Variants in CCDC126 observed in about 807,000 individuals in gnomAD.
CCDC126 encodes the protein coiled-coil domain-containing protein 126.
Under a neutral mutation model 11.7 loss-of-function variants are expected in CCDC126, and 5 were observed. The ratio of observed to expected loss-of-function variants is 0.43; its 90% CI spans 0.22 to 0.90. The LOEUF is 0.90. Among genes scored for constraint, CCDC126 ranks in the 40% least tolerant of loss-of-function variants. The pLI is 0.27. For missense variants in CCDC126, 150 were observed against 163.1 expected, an observed-to-expected ratio of 0.92 and a Z score of 0.44; for synonymous variants, 60 against 61.9, an observed-to-expected ratio of 0.97 and a Z score of 0.14.
chr7:23,600,165 C>T (rs956369540), intron 2 of CCDC126, among the ~76,000 whole-genome samples: 2 of 152,194 alleles, frequency 1.3e-5, no homozygotes, highest in Non-Finnish European at 2.9e-5. Context: ...ATCCCTGCCT[C>T]ACTTTACCAT....
intron 3 of CCDC126, chr7:23,619,521 G>A: frequency 3.1e-6 from 1 of 323,196 alleles, no homozygotes; most frequent in Non-Finnish European, 6.1e-6. Flanking sequence ...ATGCACAGCT[G>A]GGCCCACCTT....
chr7:23,619,948 C>A (rs13247029), intron 3 of CCDC126, among the ~76,000 whole-genome samples: 44,771 of 151,344 alleles, frequency 0.3, 7,730 homozygotes, highest in African/African-American at 0.48. Flanking sequence ...TCCATGGTGT[C>A]TATGTGCCAC....
At chr7:23,635,611 A>C (rs1044615044) in intron 3 of CCDC126, among the ~76,000 whole-genome samples, 1 of 152,192 alleles carries the variant, frequency 6.6e-6, no homozygotes, top group Non-Finnish European at 1.5e-5. Context: ...ATAATCTCTT[A>C]GTCTCTTTTT....
At chr7:23,638,727 T>TAAAAAAAAAAAAAAAAAAAAA (rs70954398) in intron 3 of CCDC126, among the ~76,000 whole-genome samples, 40 of 89,652 alleles carry the variant, frequency 4.5e-4, no homozygotes, top group East Asian at 6.1e-4. Context: ...AAAAAAAAAT[T>TAAAAAAAAAAAAAAAAAAAAA]AAAAAAAAAA....
intron 3 of CCDC126, among the ~76,000 whole-genome samples, chr7:23,618,881 G>A (rs1002108520): frequency 6.6e-6 from 1 of 151,964 alleles, no homozygotes; most frequent in African/African-American, 2.4e-5. Flanking sequence ...CAGTATCAAT[G>A]TATTTTATTC....
At position 23,630,491 on chromosome 7, in the gene CCDC126, G is replaced by A. The variant is rs113473309; in HGVS notation, c.239-12440G>A. Among the ~76,000 whole-genome samples the A allele has an allele frequency of 2.0e-4, 27 of 133,912 alleles. 2 individuals are homozygous for A. The highest frequency in any genetic ancestry group is 5.0e-4 in the African/African-American group (19 of 38,136). 87.9% of individuals were successfully genotyped at this position (133,912 alleles called of 152,430 possible). ...CCAGCCTGGGTGACAAAGTGAGACT[G>A]TTTCAGTCAATCAATCAATCAATCA... is the stretch of plus-strand genomic sequence containing the variant. On this transcript the variant is annotated intron_variant, in intron 3 of 3. Transcript: ENST00000307471.
In CCDC126 at chr7:23,633,407, T is replaced by C. The variant is rs190127952; in HGVS notation, c.239-9524T>C. ...AAAATACAAAAGATTAAACAATGAA[T>C]GTACACTTAATCATAGAATTGATGA... On this transcript the variant is annotated intron_variant, in intron 3 of 3. Transcript: ENST00000307471. Among the ~76,000 whole-genome samples the C allele has an allele frequency of 2.6e-5, 4 of 151,970 alleles. No individual in the cohort carries two copies. The East Asian group carries it at 5.8e-4, about 22-fold the overall frequency.
intron 3 of CCDC126, among the ~76,000 whole-genome samples, chr7:23,640,975 A>T (rs1783343662): frequency 1.4e-5 from 2 of 143,748 alleles, no homozygotes; most frequent in Admixed American, 7.0e-5. Flanking sequence ...TATCCCTCTG[A>T]GCTCTGAATC....
rs1004741450 is a variant in CCDC126, at chr7:23,643,792, C to T, written c.*677C>T. 5 of 152,020 alleles carry T rather than the reference C, an allele frequency of 3.3e-5. No homozygotes were observed. The highest frequency in any genetic ancestry group is 4.8e-5 in the African/African-American group (2 of 41,332). The allele number at this position is 152,020 out of a possible 1,614,324, so 9.4% of individuals were successfully genotyped here. A position where few individuals can be genotyped will look rare whatever the true frequency, so the allele number is the denominator to read the frequency against. ...CCATTACCTATCGTAAACATTGGGG[C>T]AATTTAATAACAGCATTAAAATAGT... On this transcript the variant is annotated 3_prime_UTR_variant, in exon 4 of 4. Transcript: ENST00000307471.
intron 3 of CCDC126, among the ~76,000 whole-genome samples, chr7:23,626,503 TAAAAAAAA>T (rs1562496055): frequency 3.7e-4 from 57 of 152,156 alleles, no homozygotes; most frequent in Middle Eastern, 3.4e-3. Context: ...TAATGGAAAT[TAAAAAAAA>T]TATTTATTTT....
At chr7:23,608,054 A>G (rs1389131279) in intron 2 of CCDC126, among the ~76,000 whole-genome samples, 10 of 152,210 alleles carry the variant, frequency 6.6e-5, no homozygotes, top group Non-Finnish European at 1.5e-4. Flanking sequence ...ATGAATATTT[A>G]TGAAAGGAGA....
At chr7:23,610,699 A>G (rs763432780) in intron 2 of CCDC126, among the ~76,000 whole-genome samples, 2 of 151,998 alleles carry the variant, frequency 1.3e-5, no homozygotes, top group South Asian at 4.1e-4. Context: ...ATGTTGGCAC[A>G]CTCTGTTTAT....
intron 3 of CCDC126, among the ~76,000 whole-genome samples, chr7:23,628,682 C>T (rs1213770481): frequency 2.0e-5 from 3 of 152,066 alleles, no homozygotes; most frequent in Non-Finnish European, 2.9e-5. Flanking sequence ...CCACTGTACT[C>T]ATGGGACCAG....
chr7:23,633,988 T>G (rs532022354), intron 3 of CCDC126, among the ~76,000 whole-genome samples: 171 of 152,402 alleles, frequency 1.1e-3, no homozygotes, highest in Non-Finnish European at 1.9e-3. Flanking sequence ...GTTTGACTTG[T>G]TCAATGTATA....
chr7:23,614,027 A>G (rs1433216535), intron 3 of CCDC126, among the ~76,000 whole-genome samples: 1 of 152,228 alleles, frequency 6.6e-6, no homozygotes, highest in Non-Finnish European at 1.5e-5. Flanking sequence ...CTGACTGATC[A>G]GTGTGGTGGT....
At chr7:23,615,420 T>A (rs183713443) in intron 3 of CCDC126, among the ~76,000 whole-genome samples, 7 of 152,338 alleles carry the variant, frequency 4.6e-5, no homozygotes, top group Non-Finnish European at 1.0e-4. Flanking sequence ...ACTCAAACTT[T>A]CTTCATTTCA....
At chr7:23,632,448 A>G (rs919284756) in intron 3 of CCDC126, among the ~76,000 whole-genome samples, 2 of 152,228 alleles carry the variant, frequency 1.3e-5, no homozygotes, top group African/African-American at 2.4e-5. Flanking sequence ...TTGAAGATCA[A>G]TCATTGTAAT....
rs754297249 is a variant in CCDC126, at chr7:23,640,991, G to GATTTTTTTTTT, written c.239-1940_239-1939insATTTTTTTTTT. Among the ~76,000 whole-genome samples the GATTTTTTTTTT allele has an allele frequency of 1.8e-5, 2 of 111,000 alleles. 1 individual carries two copies. Among genetic ancestry groups the GATTTTTTTTTT allele is most frequent in the African/African-American group, 7.5e-5 (2 of 26,644 alleles). 72.8% of individuals were successfully genotyped at this position (111,000 alleles called of 152,430 possible). On this transcript the variant is annotated intron_variant, in intron 3 of 3. Coordinates refer to ENST00000307471, the MANE Select transcript of CCDC126 (RefSeq NM_138771.4). ...ATCCCTCTGAGCTCTGAATCCTTTT[G>GATTTTTTTTTT]GTTTTTTTTTTTTTTTTTTTTTTTG...
At chr7:23,610,125 T>C (rs921370862) in intron 2 of CCDC126, among the ~76,000 whole-genome samples, 1 of 152,228 alleles carries the variant, frequency 6.6e-6, no homozygotes, top group African/African-American at 2.4e-5. Context: ...TAATTTTTTC[T>C]TAAATTACAT....
Sources: allele counts gnomAD v4.1 joint callset (sites outside exome capture counted in the v4.1 genomes callset), GRCh38; gene constraint gnomAD v4.1.1; transcripts MANE v1.5; gene names NCBI Gene and HGNC (gene_info 2026-07-23, HGNC 2026-07-21).